The following JAZF1 variants were observed in gnomAD, a reference collection of about 807,000 sequenced individuals.
JAZF1 encodes the protein juxtaposed with another zinc finger protein 1.
JAZF1 carries 8 observed loss-of-function variants against 26.4 expected under a neutral mutation model. That is an observed-to-expected ratio of 0.30 (90% CI 0.18 to 0.55). The LOEUF (loss-of-function observed/expected upper bound fraction) is 0.55. Among genes scored for constraint, JAZF1 ranks in the 20% least tolerant of loss-of-function variants. The probability of loss-of-function intolerance (pLI) is 0.94; values close to 1 mark genes in which losing one functional copy is unlikely to be tolerated. For missense variants in JAZF1, 199 were observed against 322.0 expected (o/e 0.62, Z 2.92); for synonymous variants, 126 against 122.3 (o/e 1.03, Z -0.20).
intron 2 of JAZF1, among the ~76,000 whole-genome samples, chr7:27,968,524 T>C (rs1048079885): frequency 2.0e-5 from 3 of 152,244 alleles, no homozygotes; most frequent in African/African-American, 7.2e-5. Flanking sequence ...TTTGCTATTA[T>C]ATACAAATAT....
At chr7:27,937,993 G>A (rs1202955324) in intron 2 of JAZF1, among the ~76,000 whole-genome samples, 1 of 152,092 alleles carries the variant, frequency 6.6e-6, no homozygotes, top group East Asian at 1.9e-4. Flanking sequence ...ATCTTTTCAG[G>A]TCAGTACATA....
At chr7:28,116,877 G>A (rs1784754148) in intron 1 of JAZF1, among the ~76,000 whole-genome samples, 4 of 151,984 alleles carry the variant, frequency 2.6e-5, no homozygotes, top group Admixed American at 2.0e-4. Flanking sequence ...AAGCTGGAAT[G>A]CAGTGGCGCG....
At chr7:27,979,795 C>G (rs1355016921) in intron 2 of JAZF1, among the ~76,000 whole-genome samples, 5 of 152,112 alleles carry the variant, frequency 3.3e-5, no homozygotes, top group Non-Finnish European at 5.9e-5. Flanking sequence ...GTGCTATGCC[C>G]TTTCTTTCCT....
chr7:27,834,963 C>G (rs1782776733), intron 4 of JAZF1, among the ~76,000 whole-genome samples: 3 of 152,184 alleles, frequency 2.0e-5, no homozygotes, highest in African/African-American at 7.2e-5. Flanking sequence ...TGGAAAGTAT[C>G]CTGGGTTACA....
chr7:28,132,611 A>G (rs1276667450), intron 1 of JAZF1, among the ~76,000 whole-genome samples: 1 of 152,214 alleles, frequency 6.6e-6, no homozygotes, highest in East Asian at 1.9e-4. Context: ...GCATAGAATG[A>G]TCTTCTGTGT....
intron 1 of JAZF1, among the ~76,000 whole-genome samples, chr7:28,006,541 T>C (rs187906620): frequency 6.6e-6 from 1 of 152,346 alleles, no homozygotes; most frequent in African/African-American, 2.4e-5. Flanking sequence ...ATATTATTAC[T>C]ATCACTGCGT....
intron 1 of JAZF1, among the ~76,000 whole-genome samples, chr7:28,021,173 G>A (rs926338161): frequency 5.9e-5 from 9 of 152,140 alleles, no homozygotes; most frequent in Non-Finnish European, 1.3e-4. Flanking sequence ...GACACGGGCC[G>A]AGAGAGTTCT....
At chr7:28,118,985 G>A (rs1029873283) in intron 1 of JAZF1, among the ~76,000 whole-genome samples, 2 of 152,198 alleles carry the variant, frequency 1.3e-5, no homozygotes, top group African/African-American at 4.8e-5. Flanking sequence ...AAGAGAGCAG[G>A]GAGAATCCCT....
Position 28,137,538 on chromosome 7 carries a change from T to C in JAZF1, c.115+42925A>G, listed in dbSNP as rs555939329. On this transcript the variant is annotated intron_variant, in intron 1 of 4. Transcript: ENST00000283928. Reference sequence around the variant, plus strand: ...CCACCCAGGTCTCCTTAACAGCATTTATCACAGGCCTCAAGAGGCCTTGCA... The same window carrying C: ...CCACCCAGGTCTCCTTAACAGCATTCATCACAGGCCTCAAGAGGCCTTGCA... 2.6e-5 allele frequency among the ~76,000 whole-genome samples: 4 copies of C among 152,306 alleles called. No homozygotes were observed. In the East Asian group the frequency reaches 7.7e-4, roughly 29 times the overall value.
At position 28,056,197 on chromosome 7, in the gene JAZF1, TA is replaced by T. The variant is rs950566084; in HGVS notation, c.116-64217del. On this transcript the variant is annotated intron_variant, in intron 1 of 4. Transcript: ENST00000283928. ...GGGAATATGATTTAGGGAGTATCTC[TA>T]AAAAAAAAAACCTGGAGCACGCAAT... 5.4e-3 allele frequency among the ~76,000 whole-genome samples: 768 copies of T among 142,668 alleles called. 4 individuals carry two copies. The highest frequency in any genetic ancestry group is 9.2e-3 in the Admixed American group (131 of 14,274). The allele number at this position is 142,668 out of a possible 152,430, so 93.6% of individuals were successfully genotyped here. A position where few individuals can be genotyped will look rare whatever the true frequency, so the allele number is the denominator to read the frequency against.
At chr7:28,068,717 G>A (rs896071928) in intron 1 of JAZF1, among the ~76,000 whole-genome samples, 22 of 151,376 alleles carry the variant, frequency 1.5e-4, no homozygotes, top group African/African-American at 5.4e-4. Context: ...TTTAAAAAAG[G>A]AGGAGGACAA....
chr7:27,886,451 T>C (rs1481016385), intron 3 of JAZF1, among the ~76,000 whole-genome samples: 1 of 152,188 alleles, frequency 6.6e-6, no homozygotes, highest in African/African-American at 2.4e-5. Context: ...GACTATAAAA[T>C]TGTTTGCCCA....
chr7:27,909,997 AC>A (rs1237093774), intron 2 of JAZF1, among the ~76,000 whole-genome samples: 2 of 152,216 alleles, frequency 1.3e-5, no homozygotes, highest in Non-Finnish European at 1.5e-5. Flanking sequence ...CAGCAGCATA[AC>A]CGCAGGGACA....
chr7:27,928,805 GA>G (rs1437108471), intron 2 of JAZF1, among the ~76,000 whole-genome samples: 1 of 152,196 alleles, frequency 6.6e-6, no homozygotes, highest in Non-Finnish European at 1.5e-5. Context: ...AGGGTGGAAG[GA>G]GGGAGAGGAT....
rs1344045853 is a variant in JAZF1 at position 27,934,182 on chromosome 7, GGA to G, written c.189-38768_189-38767del. 7.2e-5 allele frequency among the ~76,000 whole-genome samples: 11 copies of G among 152,150 alleles called. 1 individual carries two copies. The highest frequency in any genetic ancestry group is 1.5e-5 in the Non-Finnish European group (1 of 68,030). ...GGTGCACATTCAAAATAACCCAGTT[GGA>G]GAAGGATACTCATTGGATAATGTCT... On this transcript the variant is annotated intron_variant, in intron 2 of 4. Transcript: ENST00000283928.
intron 3 of JAZF1, among the ~76,000 whole-genome samples, chr7:27,845,711 A>AAAAAAAAAAAAAAAAG (rs1554328474): frequency 3.6e-5 from 5 of 137,672 alleles, no homozygotes; most frequent in East Asian, 2.1e-4. Flanking sequence ...AAAAAAAAAA[A>AAAAAAAAAAAAAAAAG]AAAGAAAAGA....
intron 1 of JAZF1, among the ~76,000 whole-genome samples, chr7:28,044,555 CTTCT>C (rs1207374957): frequency 6.6e-6 from 1 of 152,134 alleles, no homozygotes; most frequent in African/African-American, 2.4e-5. Context: ...GTCTGCCCAC[CTTCT>C]TTGAAAGTTC....
chr7:27,931,282 T>G (rs1203379698), intron 2 of JAZF1, among the ~76,000 whole-genome samples: 2 of 152,184 alleles, frequency 1.3e-5, no homozygotes, highest in Non-Finnish European at 2.9e-5. Context: ...CAATAAAACT[T>G]TATTTACAAA....
chr7:28,103,035 T>C (rs1026608176), intron 1 of JAZF1, among the ~76,000 whole-genome samples: 1 of 152,152 alleles, frequency 6.6e-6, no homozygotes, highest in African/African-American at 2.4e-5. Flanking sequence ...GACCGATTGA[T>C]GTAACCATTT....
Sources: allele counts gnomAD v4.1 joint callset (sites outside exome capture counted in the v4.1 genomes callset), GRCh38; gene constraint gnomAD v4.1.1; transcripts MANE v1.5; gene names NCBI Gene and HGNC (gene_info 2026-07-23, HGNC 2026-07-21).